Variants in PIK3CB observed in about 807,000 individuals in gnomAD.
PIK3CB encodes the protein phosphatidylinositol 4,5-bisphosphate 3-kinase catalytic subunit beta isoform.
Under a neutral mutation model 136.8 loss-of-function variants are expected in PIK3CB, and 39 were observed. The ratio of observed to expected loss-of-function variants is 0.29; its 90% CI spans 0.22 to 0.37. The LOEUF (loss-of-function observed/expected upper bound fraction) is 0.37, where lower values mean the gene tolerates loss of function less well. PIK3CB is among the 10% of genes least tolerant of loss of function. The pLI, the probability that PIK3CB is intolerant of heterozygous loss-of-function variation, is 1.00. For missense variants in PIK3CB, 868 were observed against 1,275.4 expected (o/e 0.68, Z 4.87); for synonymous variants, 428 against 436.6 (o/e 0.98, Z 0.25).
intron 1 of PIK3CB, among the ~76,000 whole-genome samples, chr3:138,829,398 C>T (rs1236222380): frequency 6.6e-6 from 1 of 152,082 alleles, no homozygotes; most frequent in Non-Finnish European, 1.5e-5. Context: ...AGAGTAAGAA[C>T]AGAGGCAAGG....
chr3:138,777,603 A>C (rs545611348), intron 2 of PIK3CB, among the ~76,000 whole-genome samples: 2 of 152,182 alleles, frequency 1.3e-5, no homozygotes, highest in Admixed American at 6.5e-5. Context: ...CCAATTCCTG[A>C]CTGCAGAACC....
rs372312209 is a variant in PIK3CB at position 138,680,098 on chromosome 3, G to A, written c.2504+1869C>T. On this transcript the variant is annotated intron_variant, in intron 19 of 23. Transcript: ENST00000674063. ...GAAAAGACAGGGGGCGGCGACTCAC[G>A]CCTGTAATTCCAGCACTTTGGGAGC... is the stretch of plus-strand genomic sequence containing the variant. 1.3e-4 allele frequency among the ~76,000 whole-genome samples: 20 copies of A among 152,078 alleles called. No individual in the cohort carries two copies. The East Asian group carries it at 3.3e-3, about 25-fold the overall frequency.
At chr3:138,668,512 C>T (rs894225471) in intron 19 of PIK3CB, among the ~76,000 whole-genome samples, 1 of 152,178 alleles carries the variant, frequency 6.6e-6, no homozygotes, top group African/African-American at 2.4e-5. Context: ...GCCAAGACTA[C>T]AATTTCAGTA....
chr3:138,749,139 T>C (rs78268826), intron 4 of PIK3CB, among the ~76,000 whole-genome samples: 6 of 152,226 alleles, frequency 3.9e-5, no homozygotes, highest in African/African-American at 1.4e-4. Flanking sequence ...TGAAGCATTT[T>C]AGTGCACTGT....
Position 138,828,682 on chromosome 3 carries a change from C to A in PIK3CB, c.-122+6013G>T, listed in dbSNP as rs560631241. On this transcript the variant is annotated intron_variant, in intron 1 of 23. Transcript: ENST00000674063. The stretch of plus-strand genomic sequence containing the variant: ...CTGAGGCAGGAGGATCACTTGAGAC[C>A]AGGAGTTCAAGGCTGTAGTGCCCTA... 5.3e-5 allele frequency among the ~76,000 whole-genome samples: 8 copies of A among 152,202 alleles called. No homozygotes were observed. The South Asian group carries it at 1.2e-3, about 24-fold the overall frequency.
intron 8 of PIK3CB, among the ~76,000 whole-genome samples, chr3:138,726,429 C>G (rs1455815873): frequency 6.6e-6 from 1 of 152,152 alleles, no homozygotes; most frequent in Non-Finnish European, 1.5e-5. Flanking sequence ...TCTCTTGTAT[C>G]TACAACTCCT....
At chr3:138,811,240 CAAAAAAA>C (rs558228212) in intron 1 of PIK3CB, among the ~76,000 whole-genome samples, 5 of 23,442 alleles carry the variant, frequency 2.1e-4, no homozygotes, top group African/African-American at 3.1e-4. Context: ...AAGACTCTGC[CAAAAAAA>C]AAAAAAAAAA....
At chr3:138,684,604 G>A (rs1405835085) in intron 17 of PIK3CB, 21 bp downstream of exon 17, 4 of 1,567,432 alleles carry the variant, frequency 2.6e-6, no homozygotes, top group Non-Finnish European at 3.5e-6. Context: ...GAGATTCACT[G>A]CGCAAAGCAC....
In PIK3CB at chr3:138,694,449, C is replaced by G. The variant is rs145100040; in HGVS notation, c.1892+337G>C. Among the ~76,000 whole-genome samples the G allele has an allele frequency of 6.8e-4, 103 of 152,270 alleles. 2 individuals are homozygous for G. In the Middle Eastern group the frequency reaches 0.055, roughly 81 times the overall value. On this transcript the variant is annotated intron_variant, in intron 14 of 23. Transcript: ENST00000674063. ...TGTATGCCTGTTTTCCTCATGACTTCACCCCATGAACCTTTTTCCCTCTTT... is the reference window on the plus strand; with the variant it reads ...TGTATGCCTGTTTTCCTCATGACTTGACCCCATGAACCTTTTTCCCTCTTT...
rs2043354911 is a variant in PIK3CB, at chr3:138,664,035, C to A, written c.2673-6G>T. 1.2e-6 allele frequency: 2 copies of A among 1,612,646 alleles called. No homozygotes were observed. Among genetic ancestry groups the A allele is most frequent in the South Asian group, 2.2e-5 (2 of 90,866 alleles). On this transcript the variant is annotated splice_polypyrimidine_tract_variant and splice_region_variant and intron_variant, in intron 20 of 23. Transcript: ENST00000674063. Reference sequence around the variant, plus strand: ...TGGCTCGGTCCAGGTCATCCCTGAACAAGAGAAAAGAACAGAAGCAAAAAA... The same window carrying A: ...TGGCTCGGTCCAGGTCATCCCTGAAAAAGAGAAAAGAACAGAAGCAAAAAA...
intron 2 of PIK3CB, among the ~76,000 whole-genome samples, chr3:138,788,577 A>T (rs192033474): frequency 7.3e-5 from 11 of 149,744 alleles, no homozygotes; most frequent in Admixed American, 5.4e-4. Flanking sequence ...GAATCGCTTA[A>T]ACCTGGGAGA....
rs116364388 is a variant in PIK3CB, at chr3:138,777,000, C to T, written c.-16-17641G>A. On this transcript the variant is annotated intron_variant, in intron 2 of 23. Coordinates refer to ENST00000674063, the MANE Select transcript of PIK3CB (RefSeq NM_006219.3). ...GTAGCTTAAAAAAATTGTGATTACA[C>T]GATCAACAGCACTGCTGTCACAACC... Among the ~76,000 whole-genome samples, 776 of 151,338 alleles carry T rather than the reference C, an allele frequency of 5.1e-3. 6 individuals carry two copies. The highest frequency in any genetic ancestry group is 0.018 in the African/African-American group (741 of 41,144).
intron 19 of PIK3CB, among the ~76,000 whole-genome samples, chr3:138,674,347 T>G (rs889179705): frequency 6.6e-6 from 1 of 152,110 alleles, no homozygotes; most frequent in African/African-American, 2.4e-5. Context: ...TGACCCAACA[T>G]GTGCATAAAG....
Position 138,742,598 on chromosome 3 carries a change from C to T in PIK3CB, c.581G>A (p.Gly194Glu). ...IPENLEDKLY[G>E]GKLIVAVHFE... ...ATGAACAGCTACGATGAGCTTTCCCCCATAAAGTTTATCTTCTAAGTTTTC... is the reference window on the plus strand; with the variant it reads ...ATGAACAGCTACGATGAGCTTTCCCTCATAAAGTTTATCTTCTAAGTTTTC... Residue 194 changes from glycine (G) to glutamate (E), a missense_variant, in exon 5 of 24, where the codon GGG becomes GAG. By Grantham distance (98) the Gly-to-Glu change is moderately conservative. Around this residue, in one of 4 missense-constraint regions of PIK3CB, gnomAD observed 612 missense variants for 801.1 expected, o/e 0.76. Transcript: ENST00000674063. 6.3e-7 allele frequency: 1 copy of T among 1,599,236 alleles called. No homozygotes were observed. The highest frequency in any genetic ancestry group is 8.6e-7 in the Non-Finnish European group (1 of 1,167,588).
chr3:138,772,713 A>G (rs1428554929), intron 2 of PIK3CB, among the ~76,000 whole-genome samples: 1 of 150,544 alleles, frequency 6.6e-6, no homozygotes, highest in Admixed American at 6.6e-5. Context: ...AGCTCAAGCA[A>G]TCCTCCTACC....
intron 4 of PIK3CB, among the ~76,000 whole-genome samples, chr3:138,745,666 T>A (rs753911781): frequency 1.3e-5 from 2 of 152,056 alleles, no homozygotes; most frequent in Non-Finnish European, 2.9e-5. Flanking sequence ...GGCAAAGTAG[T>A]TCCTGACTTC....
intron 4 of PIK3CB, among the ~76,000 whole-genome samples, chr3:138,745,696 A>G (rs1477773057): frequency 2.0e-5 from 3 of 152,122 alleles, no homozygotes; most frequent in Admixed American, 1.3e-4. Context: ...CAGTGATGGA[A>G]CCAATCCAGA....
At chr3:138,675,448 T>C (rs2043624903) in intron 19 of PIK3CB, among the ~76,000 whole-genome samples, 1 of 152,068 alleles carries the variant, frequency 6.6e-6, no homozygotes, top group Non-Finnish European at 1.5e-5. Context: ...AACAATAATA[T>C]ATATGTCCAG....
rs1559849828 is a variant in PIK3CB, at chr3:138,734,951, A to AT, written c.802-148_802-147insA. The AT allele has an allele frequency of 9.1e-3, 2,706 of 296,586 alleles. 2 individuals are homozygous for AT. The highest frequency in any genetic ancestry group is 0.049 in the East Asian group (589 of 11,988). 18.4% of individuals were successfully genotyped at this position (296,586 alleles called of 1,614,324 possible). On this transcript the variant is annotated intron_variant, in intron 6 of 23. Coordinates refer to ENST00000674063, the MANE Select transcript of PIK3CB (RefSeq NM_006219.3). ...GAATATCAAGAAATTAAAAAAAAAAAATTTTTTTTTTTTTTTTTTGAGACA... is the reference window on the plus strand; with the variant it reads ...GAATATCAAGAAATTAAAAAAAAAAATATTTTTTTTTTTTTTTTTTGAGACA...
Sources: allele counts gnomAD v4.1 joint callset (sites outside exome capture counted in the v4.1 genomes callset), GRCh38; gene constraint gnomAD v4.1.1; regional missense constraint gnomAD v4.1.1; transcripts MANE v1.5; gene names NCBI Gene and HGNC (gene_info 2026-07-23, HGNC 2026-07-21).